The following NTSR1 variants were observed in gnomAD, a reference collection of about 807,000 sequenced individuals.
The protein encoded by NTSR1 is neurotensin receptor type 1.
NTSR1 carries 29 observed loss-of-function variants against 31.2 expected under a neutral mutation model. That is an observed-to-expected ratio of 0.93 (90% confidence interval 0.69 to 1.27). The LOEUF is 1.27. NTSR1 is among the 50% of genes most tolerant of loss of function. NTSR1 has a pLI of 0.00. For missense variants in NTSR1, 697 were observed against 595.4 expected, an observed-to-expected ratio of 1.17 and a Z score of -1.78; for synonymous variants, 282 against 269.9, an observed-to-expected ratio of 1.04 and a Z score of -0.44.
intron 2 of NTSR1, among the ~76,000 whole-genome samples, chr20:62,756,351 C>T (rs992689931): frequency 2.6e-5 from 4 of 152,242 alleles, no homozygotes; most frequent in East Asian, 1.9e-4. Flanking sequence ...GGCAAGAAGG[C>T]GGGGCAGGGG....
At chr20:62,727,896 C>T (rs1988936063) in intron 1 of NTSR1, among the ~76,000 whole-genome samples, 1 of 152,244 alleles carries the variant, frequency 6.6e-6, no homozygotes, top group Non-Finnish European at 1.5e-5. Flanking sequence ...CCTGTGTTCC[C>T]GGCGCTCCCG....
chr20:62,714,171 G>A lies in NTSR1; in HGVS notation c.714+4250G>A, dbSNP rs1041126354. Among the ~76,000 whole-genome samples, 2 of 152,230 alleles carry A rather than the reference G, an allele frequency of 1.3e-5. No individual in the cohort carries two copies. The highest frequency in any genetic ancestry group is 2.1e-4 in the South Asian group (1 of 4,836). ...CTCCACTCTGACCTCCCGTGAGGAC[G>A]GGAAGGGGACCCACGCCACGCAGCT... On this transcript the variant is annotated intron_variant, in intron 1 of 3. Coordinates refer to ENST00000370501, the MANE Select transcript of NTSR1 (RefSeq NM_002531.3). The surrounding 1 kb of genome is among the most constrained non-coding windows in gnomAD (Gnocchi z 4.1).
chr20:62,754,862 C>G lies in NTSR1; in HGVS notation c.892C>G (p.Leu298Val). The G allele has an allele frequency of 6.2e-7, 1 of 1,604,268 alleles. No individual in the cohort carries two copies. The highest frequency in any genetic ancestry group is 8.5e-7 in the Non-Finnish European group (1 of 1,178,662). ...MAIEPGRVQA[L>V]RHGVRVLRAV... ...CATCGAGCCTGGCAGGGTCCAGGCCCTGCGGCACGGCGTGCGCGTCCTACG... is the reference window on the plus strand; with the variant it reads ...CATCGAGCCTGGCAGGGTCCAGGCCGTGCGGCACGGCGTGCGCGTCCTACG... The change falls in exon 2 of 4, where the codon CTG (leucine) becomes GTG (valine). Residue 298 changes from leucine to valine, a missense_variant. Coordinates refer to ENST00000370501, the MANE Select transcript of NTSR1 (RefSeq NM_002531.3).
At chr20:62,748,715 G>A (rs938549033) in intron 1 of NTSR1, among the ~76,000 whole-genome samples, 2 of 152,174 alleles carry the variant, frequency 1.3e-5, no homozygotes, top group Non-Finnish European at 2.9e-5. Context: ...GGATTGAGAG[G>A]TAGAGCCTTT....
chr20:62,729,503 C>G (rs1337509353), intron 1 of NTSR1, among the ~76,000 whole-genome samples: 1 of 152,124 alleles, frequency 6.6e-6, no homozygotes, highest in Non-Finnish European at 1.5e-5. Context: ...TAGCTCAGAG[C>G]CTTATAGCCT....
chr20:62,746,822 C>T (rs1018866885), intron 1 of NTSR1, among the ~76,000 whole-genome samples: 2 of 152,294 alleles, frequency 1.3e-5, no homozygotes, highest in South Asian at 2.1e-4. Flanking sequence ...GTTGCTTCGC[C>T]GATGGATGCT....
At chr20:62,748,417 T>TA (rs1332979118) in intron 1 of NTSR1, among the ~76,000 whole-genome samples, 11 of 148,510 alleles carry the variant, frequency 7.4e-5, no homozygotes, top group African/African-American at 2.8e-4. Context: ...TACACAGAAA[T>TA]AGAAAAAAAA....
At chr20:62,719,239 A>G (rs1435182775) in intron 1 of NTSR1, among the ~76,000 whole-genome samples, 1 of 151,942 alleles carries the variant, frequency 6.6e-6, no homozygotes, top group African/African-American at 2.4e-5. Flanking sequence ...ATCGTGAATG[A>G]ATGTTAAATT....
At chr20:62,723,484 C>T (rs1444278359) in intron 1 of NTSR1, among the ~76,000 whole-genome samples, 1 of 152,226 alleles carries the variant, frequency 6.6e-6, no homozygotes, top group Non-Finnish European at 1.5e-5. Flanking sequence ...CTGTCGACTT[C>T]AGGCTGCGTG....
At chr20:62,748,096 A>G (rs1989332850) in intron 1 of NTSR1, among the ~76,000 whole-genome samples, 2 of 151,010 alleles carry the variant, frequency 1.3e-5, no homozygotes, top group Non-Finnish European at 2.9e-5. Context: ...AATTGCTTGA[A>G]CCTGAGAGGC....
chr20:62,712,642 C>G (rs1198459205), intron 1 of NTSR1, among the ~76,000 whole-genome samples: 2 of 152,228 alleles, frequency 1.3e-5, no homozygotes, highest in Non-Finnish European at 2.9e-5. Context: ...AGACCTGGCC[C>G]TGGTGCCAGC....
Position 62,708,944 on chromosome 20 carries a change from G to A in NTSR1, c.-264G>A, listed in dbSNP as rs2147128874. 4 of 399,292 alleles carry A rather than the reference G, an allele frequency of 1.0e-5. 1 individual carries two copies. The highest frequency in any genetic ancestry group is 1.3e-3 in the Middle Eastern group (2 of 1,568). 24.7% of individuals were successfully genotyped at this position (399,292 alleles called of 1,614,324 possible). Reference sequence around the variant, plus strand: ...ACCTGGAACCCGTGGCAAGCGCCGAGCCGGGAGACAGCCCGAGGAACCACG... The same window carrying A: ...ACCTGGAACCCGTGGCAAGCGCCGAACCGGGAGACAGCCCGAGGAACCACG... On this transcript the variant is annotated 5_prime_UTR_variant, in exon 1 of 4. Transcript: ENST00000370501. The surrounding 1 kb of genome is among the most constrained non-coding windows in gnomAD (Gnocchi z 5.9).
intron 1 of NTSR1, among the ~76,000 whole-genome samples, chr20:62,748,886 C>T (rs888164328): frequency 7.9e-5 from 12 of 152,288 alleles, no homozygotes; most frequent in South Asian, 4.2e-4. Flanking sequence ...CCCCTCTGCA[C>T]GCGATGCCCC....
intron 1 of NTSR1, among the ~76,000 whole-genome samples, chr20:62,718,553 C>T (rs1988775932): frequency 1.3e-5 from 2 of 150,322 alleles, no homozygotes; most frequent in Admixed American, 1.3e-4. Flanking sequence ...CCCCGATGCC[C>T]GCCCCTCCAC....
chr20:62,720,166 G>C (rs565061395), intron 1 of NTSR1, among the ~76,000 whole-genome samples: 6 of 152,226 alleles, frequency 3.9e-5, no homozygotes, highest in East Asian at 1.9e-4. Flanking sequence ...CAGGTGTGGT[G>C]GTGGGCACCT....
intron 1 of NTSR1, among the ~76,000 whole-genome samples, chr20:62,738,628 CCACAGGCCT>C (rs1168762808): frequency 1.3e-5 from 2 of 152,334 alleles, no homozygotes; most frequent in African/African-American, 4.8e-5. Context: ...TGCAAGGTGG[CCACAGGCCT>C]CAGCCGTGCC....
intron 1 of NTSR1, among the ~76,000 whole-genome samples, chr20:62,735,718 G>C (rs1011764608): frequency 6.6e-6 from 1 of 152,198 alleles, no homozygotes; most frequent in Non-Finnish European, 1.5e-5. Flanking sequence ...CCCCCGACAC[G>C]GCGAGGTGAG....
At chr20:62,753,069 C>T (rs775641145) in intron 1 of NTSR1, among the ~76,000 whole-genome samples, 1 of 152,304 alleles carries the variant, frequency 6.6e-6, no homozygotes, top group East Asian at 1.9e-4. Flanking sequence ...TTGAGTGCCC[C>T]CTCTCCATGC....
chr20:62,708,917 G>A lies in NTSR1; in HGVS notation c.-291G>A. 2.8e-6 allele frequency: 1 copy of A among 360,230 alleles called. No individual in the cohort carries two copies. The highest frequency in any genetic ancestry group is 4.9e-6 in the Non-Finnish European group (1 of 202,242). 22.3% of individuals were successfully genotyped at this position (360,230 alleles called of 1,614,324 possible). A position where few individuals can be genotyped will look rare whatever the true frequency, so the allele number is the denominator to read the frequency against. ...GAACCGCGCGGTTTGGAGATCGGAGGCACCTGGAACCCGTGGCAAGCGCCG... is the reference window on the plus strand; with the variant it reads ...GAACCGCGCGGTTTGGAGATCGGAGACACCTGGAACCCGTGGCAAGCGCCG... On this transcript the variant is annotated 5_prime_UTR_variant, in exon 1 of 4. Coordinates refer to ENST00000370501, the MANE Select transcript of NTSR1 (RefSeq NM_002531.3). This position sits in a 1 kb window ranked among gnomAD's most constrained non-coding sequence, Gnocchi z 5.9.
Sources: gnomAD v4.1 joint callset for allele counts (sites outside exome capture counted in the v4.1 genomes callset) on GRCh38, gnomAD v4.1.1 for gene constraint, Gnocchi (gnomAD v3.1) non-coding constraint, MANE v1.5 for transcripts, NCBI Gene and HGNC (gene_info 2026-07-23, HGNC 2026-07-21) for gene names.